The following ZNF311 variants were observed in gnomAD, a reference collection of about 807,000 sequenced individuals.
ZNF311 encodes zinc finger protein 311, also known as zinc finger protein zfp31.
Under a neutral mutation model 22.7 loss-of-function variants are expected in ZNF311, and 14 were observed. The observed-to-expected ratio is 0.62, with a 90% CI of 0.41 to 0.96. The LOEUF (loss-of-function observed/expected upper bound fraction) is 0.96, where lower values mean the gene tolerates loss of function less well. ZNF311 is among the 40% of genes least tolerant of loss of function. ZNF311 has a pLI of 0.00. For missense variants in ZNF311, 731 were observed against 799.0 expected, an observed-to-expected ratio of 0.91 and a Z score of 1.03; for synonymous variants, 250 against 275.3, an observed-to-expected ratio of 0.91 and a Z score of 0.91.
Position 29,004,042 on chromosome 6 carries a change from G to A in ZNF311, c.-88C>T, listed in dbSNP as rs1218859937. 2.5e-6 allele frequency: 4 copies of A among 1,612,506 alleles called. No homozygotes were observed. In the African/African-American group the frequency reaches 5.3e-5, roughly 22 times the overall value. On this transcript the variant is annotated 5_prime_UTR_variant, in exon 2 of 7. Transcript: ENST00000377179. ...ATCCAGTTCTCAAACAAGCTGTGAA[G>A]TGGCTCCAGTTGATGCCAGCCTCCT...
intron 6 of ZNF311, among the ~76,000 whole-genome samples, chr6:28,998,177 T>G (rs1364207315): frequency 1.3e-5 from 2 of 151,670 alleles, no homozygotes; most frequent in African/African-American, 2.4e-5. Context: ...GAGATTTTTT[T>G]TTTTTTTTTG....
chr6:28,998,077 CAT>C (rs372203356), intron 6 of ZNF311, among the ~76,000 whole-genome samples: 251 of 152,232 alleles, frequency 1.6e-3, no homozygotes, highest in South Asian at 7.0e-3. Context: ...TGCTTTCTCA[CAT>C]GTTATTCCTT....
chr6:28,999,819 T>C (rs1003301918), intron 4 of ZNF311, 137 bp downstream of exon 4: 1 of 1,244,032 alleles, frequency 8.0e-7, no homozygotes, highest in African/African-American at 1.5e-5. Flanking sequence ...AAGTGGTTTA[T>C]CATGCAACAA....
intron 6 of ZNF311, 47 bp from the exon 7 acceptor site, chr6:28,996,633 T>C (rs372388095): frequency 4.2e-5 from 64 of 1,522,988 alleles, no homozygotes; most frequent in African/African-American, 5.6e-5. Flanking sequence ...ATAAGTGAGA[T>C]GGGAGGCGTG....
intron 1 of ZNF311, among the ~76,000 whole-genome samples, chr6:29,004,593 A>T (rs937124686): frequency 2.6e-5 from 4 of 151,998 alleles, no homozygotes; most frequent in Non-Finnish European, 5.9e-5. Flanking sequence ...GAGTTGGATC[A>T]TTTCATCGCT....
At chr6:28,998,676 C>T in intron 6 of ZNF311, 58 bp downstream of exon 6, 3 of 1,258,140 alleles carry the variant, frequency 2.4e-6, no homozygotes, top group Non-Finnish European at 2.3e-6. Context: ...GAGAATGTTC[C>T]ATAACCATTA....
upstream of ZNF311, chr6:29,005,384 C>T (rs932232690): frequency 5.3e-5 from 8 of 151,600 alleles, no homozygotes; most frequent in Non-Finnish European, 8.8e-5. Flanking sequence ...GGGAAATGCT[C>T]ATTTTGGGGA....
chr6:28,997,615 T>C (rs149719519), intron 6 of ZNF311, among the ~76,000 whole-genome samples: 126 of 152,320 alleles, frequency 8.3e-4, no homozygotes, highest in African/African-American at 3.0e-3. Context: ...TTATTCTCTC[T>C]GAAAATCAAG....
In ZNF311 at chr6:28,995,040, AAC is replaced by A; in HGVS notation, c.1960_1961del (p.Val654PhefsTer28). Reference sequence around the variant, plus strand: ...AAATACTGACTACTGAGGTCTGAGAAACAGTCACTGGAGAGAGGGATTTCCTA... The same window carrying A: ...AAATACTGACTACTGAGGTCTGAGAAAGTCACTGGAGAGAGGGATTTCCTA... ...GSRKSLSPVT[V>X]SQTSVVSILT... On this transcript the variant is annotated frameshift_variant, in exon 7 of 7. Transcript: ENST00000377179. LOFTEE classifies it low-confidence loss of function (END_TRUNC). The surrounding 1 kb of genome is among the most constrained non-coding windows in gnomAD (Gnocchi z 4.7). The A allele has an allele frequency of 6.2e-7, 1 of 1,612,614 alleles. No homozygotes were observed. The highest frequency in any genetic ancestry group is 2.2e-5 in the East Asian group (1 of 44,876).
chr6:28,997,119 A>G (rs574160054), intron 6 of ZNF311, among the ~76,000 whole-genome samples: 13 of 152,290 alleles, frequency 8.5e-5, no homozygotes, highest in African/African-American at 3.1e-4. Flanking sequence ...TGGACTTTAG[A>G]ATTGTGATCT....
rs1389638451 is a variant in ZNF311 at position 28,995,191 on chromosome 6, A to G, written c.1811T>C (p.Val604Ala). ...TTCATAAGGTTTCTCCCCAGTATGA[A>G]CTCGCTTATGTCCAATCAGAGCTGA... ...QGSALIGHKR[V>A]HTGEKPYECE... Residue 604 changes from valine (V) to alanine (A), a missense_variant, in exon 7 of 7, where the codon GTT becomes GCT. Transcript: ENST00000377179. The surrounding 1 kb of genome is among the most constrained non-coding windows in gnomAD (Gnocchi z 4.7). 2.5e-6 allele frequency: 4 copies of G among 1,613,870 alleles called. No individual in the cohort carries two copies. In the African/African-American group the frequency reaches 5.3e-5, roughly 22 times the overall value.
rs1340344982 is a variant in ZNF311 at position 28,996,110 on chromosome 6, T to C, written c.892A>G (p.Thr298Ala). The C allele has an allele frequency of 9.3e-6, 15 of 1,613,302 alleles. No homozygotes were observed. The highest frequency in any genetic ancestry group is 5.5e-5 in the South Asian group (5 of 91,080). Reference sequence around the variant, plus strand: ...GTGCAATTAAAAGGTTTCTCCCCTGTGTGGATTATCCGGTGCATAGAAAGC... The same window carrying C: ...GTGCAATTAAAAGGTTTCTCCCCTGCGTGGATTATCCGGTGCATAGAAAGC... Reference protein sequence around the residue: ...NQLSMHRIIHTGEKPFNCTQC... With the variant: ...NQLSMHRIIHAGEKPFNCTQC... Residue 298 changes from threonine to alanine, a missense_variant, in exon 7 of 7, where the codon ACA (threonine) becomes GCA (alanine). Transcript: ENST00000377179.
At chr6:29,001,759 T>G (rs954421480) in intron 3 of ZNF311, among the ~76,000 whole-genome samples, 1 of 152,236 alleles carries the variant, frequency 6.6e-6, no homozygotes, top group African/African-American at 2.4e-5. Context: ...TATCACATAC[T>G]TATCCATTTA....
chr6:28,999,732 G>A (rs888474811), intron 4 of ZNF311, 119 bp from the exon 5 acceptor site: 9 of 1,414,664 alleles, frequency 6.4e-6, no homozygotes, highest in African/African-American at 1.4e-5. Context: ...CTTCCCTTTT[G>A]GTGGGTATGT....
chr6:28,998,275 T>A (rs1295156812), intron 6 of ZNF311, among the ~76,000 whole-genome samples: 1 of 151,736 alleles, frequency 6.6e-6, no homozygotes, highest in East Asian at 1.9e-4. Flanking sequence ...TTCAAATGAT[T>A]CTCCGGCCTC....
Position 29,003,553 on chromosome 6 carries a change from C to T in ZNF311, c.51G>A (p.Leu17=), listed in dbSNP as rs1780749756. 1 of 1,612,892 alleles carries T rather than the reference C, an allele frequency of 6.2e-7. No individual in the cohort carries two copies. The highest frequency in any genetic ancestry group is 1.7e-5 in the Admixed American group (1 of 59,988). ...LDESSGPPSQ[L]LWTRQDTQLP... The stretch of plus-strand genomic sequence containing the variant: ...GCTGGGTATCCTGGCGGGTCCAAAG[C>T]AGCTGGCTTGGTGGTCCTGAACTCT... Residue 17 remains leucine, a synonymous_variant, in exon 3 of 7, where the codon CTG becomes CTA. Transcript: ENST00000377179.
At chr6:29,004,940 A>C (rs1034241416) in intron 1 of ZNF311, 68 bp downstream of exon 1, 3 of 152,156 alleles carry the variant, frequency 2.0e-5, no homozygotes, top group African/African-American at 7.2e-5. Context: ...CTTCCCAAGG[A>C]GGTCTACTCT....
At chr6:29,003,302 T>A (rs1039026125) in intron 3 of ZNF311, among the ~76,000 whole-genome samples, 1 of 152,244 alleles carries the variant, frequency 6.6e-6, no homozygotes, top group Non-Finnish European at 1.5e-5. Flanking sequence ...ACACACTGAT[T>A]TTTTTCAAAA....
At position 28,996,262 on chromosome 6, in the gene ZNF311, T is replaced by C. The variant is rs766673841; in HGVS notation, c.740A>G (p.His247Arg). 44 of 1,613,172 alleles carry C rather than the reference T, an allele frequency of 2.7e-5. No individual in the cohort carries two copies. Among genetic ancestry groups the C allele is most frequent in the Non-Finnish European group, 3.7e-5 (44 of 1,180,046 alleles). The change falls in exon 7 of 7, where the codon CAT (histidine) becomes CGT (arginine). Residue 247 changes from histidine to arginine, a missense_variant. His to Arg is a conservative substitution (Grantham distance 29). Coordinates refer to ENST00000377179, the MANE Select transcript of ZNF311 (RefSeq NM_001382360.1). ...GTTTTTGCCACACCTGGCACATTCA[T>C]GGAGTTTCTGTGCTATAAGAACTTT... ...CNKVLIAQKL[H>R]ECARCGKNFS...
Sources: gnomAD v4.1 joint callset for allele counts (sites outside exome capture counted in the v4.1 genomes callset) on GRCh38, gnomAD v4.1.1 for gene constraint, Gnocchi (gnomAD v3.1) non-coding constraint, MANE v1.5 for transcripts, NCBI Gene and HGNC (gene_info 2026-07-23, HGNC 2026-07-21) for gene names.